ADCYAP1R1: variants seen among roughly 807,000 people sequenced by gnomAD.
The protein encoded by ADCYAP1R1 is ADCYAP receptor type I.
Under a neutral mutation model 67.6 loss-of-function variants are expected in ADCYAP1R1, and 44 were observed. That is an observed-to-expected ratio of 0.65 (90% CI 0.51 to 0.84). ADCYAP1R1 has a LOEUF of 0.84. Among genes scored for constraint, ADCYAP1R1 ranks in the 40% least tolerant of loss-of-function variants. The probability of loss-of-function intolerance (pLI) is 0.00; values close to 1 mark genes in which losing one functional copy is unlikely to be tolerated. For synonymous variants in ADCYAP1R1, 222 were observed against 219.6 expected (o/e 1.01, Z -0.10); for missense variants, 477 against 587.9 (o/e 0.81, Z 1.95).
Position 31,106,498 on chromosome 7 carries a change from A to G in ADCYAP1R1, c.1221A>G (p.Val407=), listed in dbSNP as rs200100799. Residue 407 remains valine, a splice_region_variant and synonymous_variant, in exon 16 of 16, where the codon GTA becomes GTG. Coordinates refer to ENST00000304166, the MANE Select transcript of ADCYAP1R1 (RefSeq NM_001118.5). ...ACCGCCCAGTTTGCTCCCTGCAGGT[A>G]CAAGCGGAGATCAAGCGAAAATGGC... ...AVLYCFLNGE[V]QAEIKRKWRS... is the part of the protein sequence containing the mutation. 66 of 1,604,698 alleles carry G rather than the reference A, an allele frequency of 4.1e-5. No homozygotes were observed. Among genetic ancestry groups the G allele is most frequent in the Non-Finnish European group, 4.8e-5 (56 of 1,175,316 alleles).
chr7:31,097,881 G>A (rs748914047), intron 13 of ADCYAP1R1, among the ~76,000 whole-genome samples: 9 of 152,210 alleles, frequency 5.9e-5, no homozygotes, highest in South Asian at 4.2e-4. Context: ...GTCACTGGCC[G>A]TAGGAGAGAA....
At chr7:31,097,568 C>G (rs1400289907) in intron 13 of ADCYAP1R1, among the ~76,000 whole-genome samples, 1 of 152,174 alleles carries the variant, frequency 6.6e-6, no homozygotes, top group African/African-American at 2.4e-5. Flanking sequence ...CTCCCTGACC[C>G]CCATCAGAGC....
chr7:31,057,591 G>T (rs1584470706), intron 1 of ADCYAP1R1, among the ~76,000 whole-genome samples: 1 of 152,152 alleles, frequency 6.6e-6, no homozygotes, highest in Non-Finnish European at 1.5e-5. Flanking sequence ...TGCCATTGCC[G>T]GGAGGCCCCT....
chr7:31,056,330 G>T (rs1404845690), intron 1 of ADCYAP1R1, among the ~76,000 whole-genome samples: 3 of 152,094 alleles, frequency 2.0e-5, no homozygotes, highest in African/African-American at 7.2e-5. Context: ...CATTGCCTTA[G>T]CTGCCCTCAT....
chr7:31,065,574 A>C (rs1388798975), intron 3 of ADCYAP1R1, among the ~76,000 whole-genome samples: 2 of 152,138 alleles, frequency 1.3e-5, no homozygotes, highest in Non-Finnish European at 2.9e-5. Flanking sequence ...CAAGATTTCA[A>C]ATGTCCCAAG....
chr7:31,055,348 T>G (rs1400628270), intron 1 of ADCYAP1R1, among the ~76,000 whole-genome samples: 1 of 152,076 alleles, frequency 6.6e-6, no homozygotes, highest in African/African-American at 2.4e-5. Flanking sequence ...TGTGTGTGTG[T>G]GTGTGTGTGT....
intron 6 of ADCYAP1R1, among the ~76,000 whole-genome samples, chr7:31,082,867 G>GT (rs1795567647): frequency 2.0e-5 from 3 of 152,258 alleles, no homozygotes; most frequent in Non-Finnish European, 2.9e-5. Flanking sequence ...ATCCCAGGAA[G>GT]TTCATTTCTG....
Position 31,110,930 on chromosome 7 carries a change from T to G in ADCYAP1R1, c.*4246T>G, listed in dbSNP as rs1796840193. ...CTGCTGGAAGGGACTCCTTGCTGTT[T>G]ATCTACTGCTTTGAGCCCTCCTAAG... On this transcript the variant is annotated 3_prime_UTR_variant, in exon 16 of 16. Transcript: ENST00000304166. The G allele has an allele frequency of 6.6e-6, 1 of 152,210 alleles. No homozygotes were observed. Among genetic ancestry groups the G allele is most frequent in the Non-Finnish European group, 1.5e-5 (1 of 68,036 alleles). 9.4% of individuals were successfully genotyped at this position (152,210 alleles called of 1,614,324 possible).
intron 13 of ADCYAP1R1, among the ~76,000 whole-genome samples, chr7:31,101,788 G>A (rs1298922219): frequency 6.6e-6 from 1 of 152,202 alleles, no homozygotes; most frequent in Non-Finnish European, 1.5e-5. Context: ...CACCTTCAGG[G>A]AGTCACAGTC....
Position 31,085,573 on chromosome 7 carries a change from C to T in ADCYAP1R1, c.669+131C>T, listed in dbSNP as rs934383037. 1.4e-5 allele frequency: 15 copies of T among 1,037,788 alleles called. No individual in the cohort carries two copies. In the African/African-American group the frequency reaches 2.1e-4, roughly 15 times the overall value. 64.3% of individuals were successfully genotyped at this position (1,037,788 alleles called of 1,614,324 possible). A position where few individuals can be genotyped will look rare whatever the true frequency, so the allele number is the denominator to read the frequency against. ...TGTGTCCCTGCAGGTGAAGGCATTG[C>T]CCCACCCCCCCGGTTTATGTGAAAA... On this transcript the variant is annotated intron_variant, in intron 9 of 15. Transcript: ENST00000304166.
chr7:31,098,062 G>A (rs993101471), intron 13 of ADCYAP1R1, among the ~76,000 whole-genome samples: 2 of 151,912 alleles, frequency 1.3e-5, no homozygotes, highest in Admixed American at 6.6e-5. Context: ...CACTACGCCC[G>A]GCTAATTTTT....
chr7:31,068,093 G>A (rs758336430), intron 3 of ADCYAP1R1, among the ~76,000 whole-genome samples: 1 of 152,170 alleles, frequency 6.6e-6, no homozygotes, highest in Non-Finnish European at 1.5e-5. Context: ...GAAGCGTTCC[G>A]CTGGGGAAGG....
chr7:31,106,876 C>T lies in ADCYAP1R1; in HGVS notation c.*192C>T. 1.5e-6 allele frequency: 1 copy of T among 668,986 alleles called. No homozygotes were observed. The highest frequency in any genetic ancestry group is 2.4e-6 in the Non-Finnish European group (1 of 415,332). The allele number at this position is 668,986 out of a possible 1,614,324, so 41.4% of individuals were successfully genotyped here. A position where few individuals can be genotyped will look rare whatever the true frequency, so the allele number is the denominator to read the frequency against. ...TCCTTGTTTTGGTACTGGTCCCACC[C>T]ACTGTGGTCCCCTGGGCCCTGACCC... On this transcript the variant is annotated 3_prime_UTR_variant, in exon 16 of 16. Coordinates refer to ENST00000304166, the MANE Select transcript of ADCYAP1R1 (RefSeq NM_001118.5).
chr7:31,064,779 T>C, intron 2 of ADCYAP1R1, 52 bp from the exon 3 acceptor site: 1 of 1,451,020 alleles, frequency 6.9e-7, no homozygotes, highest in Non-Finnish European at 9.5e-7. Context: ...TAGGAGAGCT[T>C]ACAGATGGGC....
intron 7 of ADCYAP1R1, 70 bp downstream of exon 7, chr7:31,084,320 C>A: frequency 7.9e-7 from 1 of 1,269,742 alleles, no homozygotes; most frequent in Non-Finnish European, 1.1e-6. Context: ...CAGTAGGCAG[C>A]ATTCATGAGC....
At chr7:31,069,722 C>A (rs1794895172) in intron 3 of ADCYAP1R1, among the ~76,000 whole-genome samples, 1 of 152,074 alleles carries the variant, frequency 6.6e-6, no homozygotes, top group African/African-American at 2.4e-5. Flanking sequence ...TGCAGAGTGG[C>A]CTTCAGAGTG....
At chr7:31,079,167 C>A (rs1393463396) in intron 4 of ADCYAP1R1, among the ~76,000 whole-genome samples, 1 of 152,202 alleles carries the variant, frequency 6.6e-6, no homozygotes, top group Non-Finnish European at 1.5e-5. Flanking sequence ...TAGATGACTT[C>A]TTTGGATATG....
In ADCYAP1R1 at chr7:31,059,125, G is replaced by A. The variant is rs368833765; in HGVS notation, c.-71-4069G>A. On this transcript the variant is annotated intron_variant, in intron 1 of 15. Coordinates refer to ENST00000304166, the MANE Select transcript of ADCYAP1R1 (RefSeq NM_001118.5). ...TGTGGGGGTGGAGGTGACAGCAACA[G>A]GGTACAAAAAGTCTGAACACAAAGT... 5.3e-5 allele frequency among the ~76,000 whole-genome samples: 8 copies of A among 152,218 alleles called. No individual in the cohort carries two copies. The East Asian group carries it at 9.6e-4, about 18-fold the overall frequency.
At chr7:31,081,818 G>T in intron 6 of ADCYAP1R1, 64 bp downstream of exon 6, 2 of 1,404,700 alleles carry the variant, frequency 1.4e-6, no homozygotes, top group Non-Finnish European at 9.8e-7. Context: ...TGACATGTGA[G>T]CTTTGAGAAC....
Sources: allele counts gnomAD v4.1 joint callset (sites outside exome capture counted in the v4.1 genomes callset), GRCh38; gene constraint gnomAD v4.1.1; transcripts MANE v1.5; gene names NCBI Gene and HGNC (gene_info 2026-07-23, HGNC 2026-07-21).